The following COL22A1 variants were observed in gnomAD, a reference collection of about 807,000 sequenced individuals.
COL22A1 encodes collagen alpha-1(XXII) chain.
In COL22A1, 221 loss-of-function variants were observed where a neutral mutation model predicts 248.9. That is an observed-to-expected ratio of 0.89 (90% CI 0.80 to 0.99). The LOEUF (loss-of-function observed/expected upper bound fraction) is 0.99, where lower values mean the gene tolerates loss of function less well. COL22A1 is among the 50% of genes least tolerant of loss of function. COL22A1 has a pLI of 0.00. For missense variants in COL22A1, 2,240 were observed against 2,179.0 expected, an observed-to-expected ratio of 1.03 and a Z score of -0.56; for synonymous variants, 891 against 793.4, an observed-to-expected ratio of 1.12 and a Z score of -2.07.
At chr8:138,898,132 G>A (rs1257454961) in intron 1 of COL22A1, among the ~76,000 whole-genome samples, 1 of 152,110 alleles carries the variant, frequency 6.6e-6, no homozygotes, top group Non-Finnish European at 1.5e-5. Flanking sequence ...CATTACATTA[G>A]GAATTAGATT....
chr8:138,760,522 G>T (rs1044390526), intron 17 of COL22A1, among the ~76,000 whole-genome samples: 1 of 152,184 alleles, frequency 6.6e-6, no homozygotes, highest in Non-Finnish European at 1.5e-5. Flanking sequence ...TGGTTCTGCA[G>T]CATGGATAAC....
At chr8:138,805,293 G>GA (rs1817422530) in intron 10 of COL22A1, among the ~76,000 whole-genome samples, 1 of 98,762 alleles carries the variant, frequency 1.0e-5, no homozygotes, top group South Asian at 3.4e-4. Context: ...GGTGTGTGTG[G>GA]TGGTGTGGGA....
chr8:138,745,879 T>A (rs959539546), intron 22 of COL22A1, among the ~76,000 whole-genome samples: 4 of 152,162 alleles, frequency 2.6e-5, no homozygotes, highest in African/African-American at 9.7e-5. Context: ...ATGACAGTGC[T>A]CCCTGATCAA....
At chr8:138,755,077 C>A in intron 21 of COL22A1, 80 bp downstream of exon 21, 4 of 1,418,482 alleles carry the variant, frequency 2.8e-6, no homozygotes, top group Non-Finnish European at 2.0e-6. Context: ...TGCTCAGCGC[C>A]GGGAATGACT....
At chr8:138,715,883 C>T in intron 29 of COL22A1, 148 bp from the exon 30 acceptor site, 1 of 649,150 alleles carries the variant, frequency 1.5e-6, no homozygotes, top group South Asian at 1.9e-5. Flanking sequence ...GCAAAGTGGC[C>T]ACAGTGAAGT....
chr8:138,661,973 G>T, intron 43 of COL22A1, 57 bp downstream of exon 43: 3 of 1,388,610 alleles, frequency 2.2e-6, no homozygotes, highest in Non-Finnish European at 2.0e-6. Flanking sequence ...TGGAGGGCGG[G>T]CTTTCAGGGG....
At chr8:138,868,293 G>T (rs1033635386) in intron 3 of COL22A1, among the ~76,000 whole-genome samples, 1 of 152,050 alleles carries the variant, frequency 6.6e-6, no homozygotes, top group Non-Finnish European at 1.5e-5. Context: ...CTCAAAGCGG[G>T]CAACATCACT....
chr8:138,826,547 T>G (rs1819596908), intron 6 of COL22A1, 111 bp downstream of exon 6: 1 of 1,214,546 alleles, frequency 8.2e-7, no homozygotes, highest in East Asian at 2.3e-5. Flanking sequence ...TCTCTATCTC[T>G]CTAGGCCCAG....
rs370416061 is a variant in COL22A1, at chr8:138,768,915, C to T, written c.1804-6449G>A. 2.2e-4 allele frequency among the ~76,000 whole-genome samples: 33 copies of T among 151,836 alleles called. No homozygotes were observed. In the East Asian group the frequency reaches 5.4e-3, roughly 25 times the overall value. On this transcript the variant is annotated intron_variant, in intron 16 of 64. Coordinates refer to ENST00000303045, the MANE Select transcript of COL22A1 (RefSeq NM_152888.3). ...TAGTGCCATTGCACTCCAGCCTGGG[C>T]AATAGAGTGAGACTCCATCTCAAGA...
At position 138,682,515 on chromosome 8, in the gene COL22A1, A is replaced by C. The variant is rs576475510; in HGVS notation, c.3012+1910T>G. 3.9e-5 allele frequency among the ~76,000 whole-genome samples: 6 copies of C among 152,302 alleles called. No individual in the cohort carries two copies. The South Asian group carries it at 1.2e-3, about 32-fold the overall frequency. Reference sequence around the variant, plus strand: ...ATTGACTGTTTCACCCACATTTTTAAAAGTTGATGCATCTGAGTTAGTCAA... The same window carrying C: ...ATTGACTGTTTCACCCACATTTTTACAAGTTGATGCATCTGAGTTAGTCAA... On this transcript the variant is annotated intron_variant, in intron 39 of 64. Coordinates refer to ENST00000303045, the MANE Select transcript of COL22A1 (RefSeq NM_152888.3).
In COL22A1 at chr8:138,589,147, A is replaced by T. The variant is rs534827614; in HGVS notation, c.*106T>A. ...AAAGCAAACGATAAAAGAAAGAAAA[A>T]AAAAAGGAACACATGGCTGAAGTCT... On this transcript the variant is annotated 3_prime_UTR_variant, in exon 65 of 65. Coordinates refer to ENST00000303045, the MANE Select transcript of COL22A1 (RefSeq NM_152888.3). 1.9e-6 allele frequency: 2 copies of T among 1,066,712 alleles called. No homozygotes were observed. Among genetic ancestry groups the T allele is most frequent in the Non-Finnish European group, 1.3e-6 (1 of 742,222 alleles). 66.1% of individuals were successfully genotyped at this position (1,066,712 alleles called of 1,614,324 possible).
intron 4 of COL22A1, among the ~76,000 whole-genome samples, chr8:138,840,048 A>C (rs973088675): frequency 6.6e-6 from 1 of 152,108 alleles, no homozygotes; most frequent in Admixed American, 6.5e-5. Context: ...GTGCTCCCAG[A>C]CCCAGCCCAG....
intron 29 of COL22A1, 31 bp from the exon 30 acceptor site, chr8:138,715,766 A>G: frequency 1.3e-6 from 2 of 1,548,906 alleles, no homozygotes; most frequent in Non-Finnish European, 1.8e-6. Flanking sequence ...AGAAAACATT[A>G]GAACCCAAAC....
chr8:138,908,090 C>T lies in COL22A1; in HGVS notation c.-73+5529G>A, dbSNP rs537470019. On this transcript the variant is annotated intron_variant, in intron 1 of 64. Coordinates refer to ENST00000303045, the MANE Select transcript of COL22A1 (RefSeq NM_152888.3). The stretch of plus-strand genomic sequence containing the variant: ...CATTCATGCCATAAACAATGCGGAC[C>T]ACAGCACCACTTCCCACTGGGTCCA... 4.3e-4 allele frequency among the ~76,000 whole-genome samples: 66 copies of T among 152,276 alleles called. 1 individual carries two copies. The highest frequency in any genetic ancestry group is 3.1e-3 in the Admixed American group (48 of 15,298).
chr8:138,706,228 C>G (rs995872090), intron 30 of COL22A1, among the ~76,000 whole-genome samples: 1 of 152,128 alleles, frequency 6.6e-6, no homozygotes, highest in Non-Finnish European at 1.5e-5. Flanking sequence ...GACAGATCAA[C>G]AAGACAGAAA....
At chr8:138,632,942 C>T (rs1587720074) in intron 49 of COL22A1, among the ~76,000 whole-genome samples, 2 of 152,136 alleles carry the variant, frequency 1.3e-5, no homozygotes, top group African/African-American at 2.4e-5. Flanking sequence ...AAAAAATTCC[C>T]TACTGCATAT....
chr8:138,815,132 G>T (rs556868178), intron 7 of COL22A1, among the ~76,000 whole-genome samples: 2 of 152,290 alleles, frequency 1.3e-5, no homozygotes, highest in African/African-American at 4.8e-5. Flanking sequence ...CACCATGATT[G>T]TGAAGCCTCC....
chr8:138,786,735 C>A (rs937253755), intron 12 of COL22A1, among the ~76,000 whole-genome samples: 3 of 152,148 alleles, frequency 2.0e-5, no homozygotes, highest in East Asian at 3.9e-4. Flanking sequence ...GAAACCCTGT[C>A]TCTACTAAAG....
chr8:138,833,742 A>C (rs998126366), intron 4 of COL22A1, among the ~76,000 whole-genome samples: 1 of 152,148 alleles, frequency 6.6e-6, no homozygotes, highest in Non-Finnish European at 1.5e-5. Flanking sequence ...CTAAGAGAGG[A>C]CCTTATACGC....
Sources: allele counts gnomAD v4.1 joint callset (sites outside exome capture counted in the v4.1 genomes callset), GRCh38; gene constraint gnomAD v4.1.1; transcripts MANE v1.5; gene names NCBI Gene and HGNC (gene_info 2026-07-23, HGNC 2026-07-21).